Variants in BAZ2A observed in about 807,000 individuals in gnomAD.
BAZ2A encodes the protein bromodomain adjacent to zinc finger domain 2A, also known as bromodomain adjacent to zinc finger domain protein 2A.
In BAZ2A, 34 loss-of-function variants were observed where a neutral mutation model predicts 199.9. The ratio of observed to expected loss-of-function variants is 0.17; its 90% CI spans 0.13 to 0.23. The LOEUF (loss-of-function observed/expected upper bound fraction) is 0.23, where lower values mean the gene tolerates loss of function less well. BAZ2A is among the 10% of genes least tolerant of loss of function. BAZ2A has a pLI of 1.00. For synonymous variants in BAZ2A, 857 were observed against 883.9 expected, an observed-to-expected ratio of 0.97 and a Z score of 0.54; for missense variants, 2,002 against 2,391.1, an observed-to-expected ratio of 0.84 and a Z score of 3.39.
In BAZ2A at chr12:56,611,884, C is replaced by T; in HGVS notation, c.1498G>A (p.Ala500Thr). 1 of 1,605,848 alleles carries T rather than the reference C, an allele frequency of 6.2e-7. No individual in the cohort carries two copies. The highest frequency in any genetic ancestry group is 1.7e-5 in the Admixed American group (1 of 58,910). The change falls in exon 6 of 29, where the codon GCA becomes ACA. Residue 500 changes from alanine (A) to threonine (T), a missense_variant. Coordinates refer to ENST00000549884, the MANE Select transcript of BAZ2A (RefSeq NM_001300905.2). ...GGGGAGGCTGTTGGAAAGGCAGCTG[C>T]TGGGGAAGTTACGGGAGAGGCTTTT... ...SPKASPVTSP[A>T]AAFPTASPAN...
At chr12:56,636,091 T>C (rs1388798878) in intron 1 of BAZ2A, 2 of 1,423,180 alleles carry the variant, frequency 1.4e-6, no homozygotes. Flanking sequence ...AGCCCCCAAA[T>C]GAGCAAAGGT....
intron 25 of BAZ2A, 50 bp downstream of exon 25, chr12:56,599,914 G>C (rs761383391): frequency 6.2e-7 from 1 of 1,613,044 alleles, no homozygotes; most frequent in Admixed American, 1.7e-5. Context: ...ACCCCACCCC[G>C]CCCCTGCTGG....
At chr12:56,606,853 T>C in intron 10 of BAZ2A, 120 bp from the exon 11 acceptor site, 1 of 761,276 alleles carries the variant, frequency 1.3e-6, no homozygotes. Flanking sequence ...GAATCTAGAG[T>C]AGCTTTTTTT....
At chr12:56,636,334 C>T (rs1452415511) in exon 1 of BAZ2A, 2 of 1,477,080 alleles carry the variant, frequency 1.4e-6, no homozygotes, top group East Asian at 5.0e-5. Context: ...TCCTGCGAAC[C>T]ACACAGCCTG....
Position 56,598,658 on chromosome 12 carries a change from C to T in BAZ2A, c.5672G>A (p.Arg1891His), listed in dbSNP as rs1416470421. 6.2e-7 allele frequency: 1 copy of T among 1,613,678 alleles called. No individual in the cohort carries two copies. The highest frequency in any genetic ancestry group is 8.5e-7 in the Non-Finnish European group (1 of 1,179,828). The change falls in exon 29 of 29, where the codon CGC (arginine) becomes CAC (histidine). Residue 1891 changes from arginine (R) to histidine (H), a missense_variant. Coordinates refer to ENST00000549884, the MANE Select transcript of BAZ2A (RefSeq NM_001300905.2). ...GHIMRRFFES[R>H]WEEFYQGKQA... The stretch of plus-strand genomic sequence containing the variant: ...TTTTCCCTGATAAAACTCCTCCCAG[C>T]GGCTCTCGAAGAAGCGGCGCATGAT...
At position 56,598,632 on chromosome 12, in the gene BAZ2A, G is replaced by A. The variant is rs1411618215; in HGVS notation, c.5698C>T (p.Gln1900Ter). ...CCTCCCTTGCCTCACAGATTGGCCTGTTTTCCCTGATAAAACTCCTCCCAG... is the reference window on the plus strand; with the variant it reads ...CCTCCCTTGCCTCACAGATTGGCCTATTTTCCCTGATAAAACTCCTCCCAG... ...SRWEEFYQGK[Q>*]ANL is the part of the protein sequence containing the mutation. The change falls in exon 29 of 29, where the codon CAG (glutamine) becomes TAG (stop). Residue 1900 changes from glutamine (Q) to a stop codon, truncating the protein, a stop_gained. Coordinates refer to ENST00000549884, the MANE Select transcript of BAZ2A (RefSeq NM_001300905.2). LOFTEE classifies it high-confidence loss of function. 4 of 1,613,714 alleles carry A rather than the reference G, an allele frequency of 2.5e-6. No homozygotes were observed. Among genetic ancestry groups the A allele is most frequent in the Non-Finnish European group, 3.4e-6 (4 of 1,179,844 alleles).
chr12:56,599,623 C>T lies in BAZ2A; in HGVS notation c.5172+79G>A. 2.5e-6 allele frequency: 4 copies of T among 1,596,448 alleles called. 1 individual carries two copies. Among genetic ancestry groups the T allele is most frequent in the Non-Finnish European group, 3.4e-6 (4 of 1,170,042 alleles). ...AGGTCCCCTAATACCCAGTCTAGGACTCTTTCCAAGGAGAGGAGAGATTGA... is the reference window on the plus strand; with the variant it reads ...AGGTCCCCTAATACCCAGTCTAGGATTCTTTCCAAGGAGAGGAGAGATTGA... On this transcript the variant is annotated intron_variant, in intron 26 of 28. Coordinates refer to ENST00000549884, the MANE Select transcript of BAZ2A (RefSeq NM_001300905.2).
chr12:56,636,378 C>G, upstream of BAZ2A: 8 of 1,091,282 alleles, frequency 7.3e-6, no homozygotes, highest in African/African-American at 1.6e-5. Flanking sequence ...GTGTGACAGA[C>G]TGGGGTGGGG....
At chr12:56,609,971 C>T (rs754823031) in intron 9 of BAZ2A, 25 bp from the exon 10 acceptor site, 2 of 1,610,406 alleles carry the variant, frequency 1.2e-6, no homozygotes, top group Non-Finnish European at 1.7e-6. Context: ...GAGACTGTTA[C>T]AGTAGTAAGG....
At position 56,600,473 on chromosome 12, in the gene BAZ2A, G is replaced by C; in HGVS notation, c.4620C>G (p.Ser1540Arg). ...CCAAGTCTTCACGGGTAGAGTCTGG[G>C]CTAGGACATGTCCAGCCCTTCAGTT... ...DLQIRGWTCP[S>R]PDSTREDLAY... The change falls in exon 24 of 29, where the codon AGC becomes AGG. Residue 1540 changes from serine to arginine, a missense_variant. Physicochemically the swap from Ser to Arg is moderately radical, Grantham distance 110. Around this residue, in one of 6 missense-constraint regions of BAZ2A, gnomAD observed 1,081 missense variants for 1,274.7 expected, o/e 0.85. Coordinates refer to ENST00000549884, the MANE Select transcript of BAZ2A (RefSeq NM_001300905.2). 2 of 1,613,254 alleles carry C rather than the reference G, an allele frequency of 1.2e-6. No homozygotes were observed. The highest frequency in any genetic ancestry group is 1.7e-6 in the Non-Finnish European group (2 of 1,179,702).
Position 56,603,707 on chromosome 12 carries a change from A to G in BAZ2A, c.3039-7T>C, listed in dbSNP as rs192677888. 18 of 1,613,852 alleles carry G rather than the reference A, an allele frequency of 1.1e-5. No individual in the cohort carries two copies. The East Asian group carries it at 2.9e-4, about 26-fold the overall frequency. On this transcript the variant is annotated splice_region_variant and splice_polypyrimidine_tract_variant and intron_variant, in intron 16 of 28. Transcript: ENST00000549884. ...GGCCAGAACAGTTTTCAGCCTTGAAATAGATGGAGAAAGATTAAGGGAAGG... is the reference window on the plus strand; with the variant it reads ...GGCCAGAACAGTTTTCAGCCTTGAAGTAGATGGAGAAAGATTAAGGGAAGG...
At chr12:56,611,702 G>A in intron 6 of BAZ2A, 69 bp from the exon 7 acceptor site, 4 of 1,538,740 alleles carry the variant, frequency 2.6e-6, no homozygotes, top group Non-Finnish European at 3.5e-6. Context: ...AATAGGGAAA[G>A]GCTAACTACA....
intron 10 of BAZ2A, among the ~76,000 whole-genome samples, chr12:56,607,352 GTT>G (rs1292281415): frequency 1.3e-5 from 2 of 152,154 alleles, no homozygotes; most frequent in Non-Finnish European, 1.5e-5. Context: ...CATAATTGAT[GTT>G]TCTGACATGA....
At position 56,605,078 on chromosome 12, in the gene BAZ2A, A is replaced by G. The variant is rs773358917; in HGVS notation, c.2743T>C (p.Cys915Arg). ...ALHDPGFPSYCQSLKILGEKV... is the reference protein window; with the variant it reads ...ALHDPGFPSYRQSLKILGEKV... ...TGGGAGGGACTTGCACTCACCTGAC[A>G]GTAGGAGGGAAAGCCAGGATCATGG... The change falls in exon 14 of 29, where the codon TGT becomes CGT. Residue 915 changes from cysteine (C) to arginine (R), a missense_variant. Transcript: ENST00000549884. The G allele has an allele frequency of 1.2e-6, 2 of 1,603,494 alleles. No homozygotes were observed. The highest frequency in any genetic ancestry group is 1.7e-6 in the Non-Finnish European group (2 of 1,172,492).
chr12:56,636,045 G>GC, intron 1 of BAZ2A: 5 of 1,099,222 alleles, frequency 4.5e-6, no homozygotes, highest in Non-Finnish European at 2.6e-6. Flanking sequence ...TGAGCCCTGT[G>GC]CCCCCCGTCC....
Position 56,600,341 on chromosome 12 carries a change from A to T in BAZ2A, c.4752T>A (p.Ala1584=). ...GTTCCAGGGCAGCCAGCCGCATCAC[A>T]GCCAGGTCCAAAGGGTTGGTAGTTT... ...QRKTTNPLDL[A]VMRLAALEQN... Residue 1584 remains alanine (A), a synonymous_variant, in exon 24 of 29, where the codon GCT becomes GCA. Transcript: ENST00000549884. 6.2e-7 allele frequency: 1 copy of T among 1,613,980 alleles called. No homozygotes were observed. Among genetic ancestry groups the T allele is most frequent in the Non-Finnish European group, 8.5e-7 (1 of 1,179,882 alleles).
Position 56,615,610 on chromosome 12 carries a change from G to T in BAZ2A, c.137-3C>A. ...AACATTCACATCCCCATTCAAACCT[G>T]GCAGAGAAAGAAAGAAAAGGTCAGT... On this transcript the variant is annotated splice_polypyrimidine_tract_variant and splice_region_variant and intron_variant, in intron 2 of 28. Coordinates refer to ENST00000549884, the MANE Select transcript of BAZ2A (RefSeq NM_001300905.2). 2 of 1,575,756 alleles carry T rather than the reference G, an allele frequency of 1.3e-6. No individual in the cohort carries two copies. The highest frequency in any genetic ancestry group is 8.6e-7 in the Non-Finnish European group (1 of 1,158,452).
upstream of BAZ2A, among the ~76,000 whole-genome samples, chr12:56,634,083 T>A (rs576171700): frequency 5.3e-5 from 8 of 152,242 alleles, no homozygotes; most frequent in South Asian, 1.7e-3. Context: ...CACAGACTTG[T>A]TTCCAAACTT....
chr12:56,630,276 G>T lies in BAZ2A; in HGVS notation c.-154C>A. On this transcript the variant is annotated 5_prime_UTR_variant, in exon 1 of 29. Transcript: ENST00000549884. ...GGTTCGGGAAGGGGGAGGGGGACGC[G>T]GCTCAACCGCGGGGCCCGAGAGGAG... 1 of 984,590 alleles carries T rather than the reference G, an allele frequency of 1.0e-6. No homozygotes were observed. 61.0% of individuals were successfully genotyped at this position (984,590 alleles called of 1,614,324 possible).
Sources: allele counts gnomAD v4.1 joint callset (sites outside exome capture counted in the v4.1 genomes callset), GRCh38; gene constraint gnomAD v4.1.1; regional missense constraint gnomAD v4.1.1; transcripts MANE v1.5; gene names NCBI Gene and HGNC (gene_info 2026-07-23, HGNC 2026-07-21).